The following TEAD1 variants were observed in gnomAD, a reference collection of about 807,000 sequenced individuals.
The protein encoded by TEAD1 is TEA domain transcription factor 1, also known as transcriptional enhancer factor TEF-1.
A neutral mutation model predicts 54.9 loss-of-function variants in TEAD1; 9 were observed. That is an observed-to-expected ratio of 0.16 (90% CI 0.10 to 0.29). TEAD1 has a LOEUF of 0.29. Ranked by LOEUF, TEAD1 falls within the 10% of genes least tolerant of loss-of-function variation. The pLI is 1.00. For missense variants in TEAD1, 387 were observed against 535.9 expected, an observed-to-expected ratio of 0.72 and a Z score of 2.74; for synonymous variants, 200 against 187.8, an observed-to-expected ratio of 1.07 and a Z score of -0.53.
At chr11:12,845,288 T>C (rs1385766717) in intron 3 of TEAD1, among the ~76,000 whole-genome samples, 1 of 152,102 alleles carries the variant, frequency 6.6e-6, no homozygotes, top group Non-Finnish European at 1.5e-5. Context: ...GGAAGTGGTG[T>C]CCTTATTTTC....
intron 2 of TEAD1, among the ~76,000 whole-genome samples, chr11:12,717,243 A>G (rs1203650624): frequency 1.3e-5 from 2 of 152,210 alleles, no homozygotes; most frequent in Non-Finnish European, 2.9e-5. Context: ...CTTTCTGCCT[A>G]CAGTTGTGTG....
chr11:12,936,666 AT>A (rs1313962925), intron 12 of TEAD1, among the ~76,000 whole-genome samples: 1 of 152,208 alleles, frequency 6.6e-6, no homozygotes, highest in East Asian at 1.9e-4. Context: ...GCCCATAAAT[AT>A]ATGTACTGCA....
chr11:12,856,565 T>G (rs961308590), intron 3 of TEAD1, among the ~76,000 whole-genome samples: 10 of 152,042 alleles, frequency 6.6e-5, no homozygotes, highest in African/African-American at 2.4e-4. Flanking sequence ...CAGGAAACAT[T>G]CGATAATCTA....
intron 3 of TEAD1, among the ~76,000 whole-genome samples, chr11:12,824,838 T>C (rs1946618360): frequency 6.6e-6 from 1 of 152,208 alleles, no homozygotes; most frequent in Admixed American, 6.5e-5. Flanking sequence ...AAGCTGGCAG[T>C]GATTGCAGTC....
chr11:12,724,277 T>C (rs965830023), intron 2 of TEAD1, among the ~76,000 whole-genome samples: 1 of 152,200 alleles, frequency 6.6e-6, no homozygotes, highest in Non-Finnish European at 1.5e-5. Flanking sequence ...GAATCCGATA[T>C]TGGCAGAATA....
At chr11:12,871,749 G>A (rs920124167) in intron 5 of TEAD1, among the ~76,000 whole-genome samples, 2 of 152,128 alleles carry the variant, frequency 1.3e-5, no homozygotes, top group Non-Finnish European at 2.9e-5. Context: ...TTCACTTCTC[G>A]AGTGTGTTTA....
At chr11:12,828,783 T>A (rs989668238) in intron 3 of TEAD1, among the ~76,000 whole-genome samples, 1 of 140,068 alleles carries the variant, frequency 7.1e-6, no homozygotes, top group African/African-American at 2.6e-5. Context: ...TTGTTTCTTA[T>A]TGATTTGCAT....
intron 2 of TEAD1, among the ~76,000 whole-genome samples, chr11:12,746,671 C>G (rs1237701985): frequency 6.6e-6 from 1 of 152,226 alleles, no homozygotes. Context: ...TGCTCTTTCT[C>G]ACCTCTGGGG....
chr11:12,919,681 G>T (rs1409544396), intron 10 of TEAD1, among the ~76,000 whole-genome samples: 3 of 151,722 alleles, frequency 2.0e-5, no homozygotes, highest in African/African-American at 7.3e-5. Flanking sequence ...AAAATTATTT[G>T]TAGAGATGGC....
At chr11:12,716,366 C>G (rs778577960) in intron 2 of TEAD1, among the ~76,000 whole-genome samples, 2 of 152,112 alleles carry the variant, frequency 1.3e-5, no homozygotes, top group Non-Finnish European at 2.9e-5. Flanking sequence ...TGGAGAGCAC[C>G]CTTTTTCTGC....
At chr11:12,793,288 A>T (rs1945843514) in intron 3 of TEAD1, among the ~76,000 whole-genome samples, 1 of 152,170 alleles carries the variant, frequency 6.6e-6, no homozygotes. Flanking sequence ...CAGTTAAAGG[A>T]TAGATATTTT....
At chr11:12,775,958 G>A (rs1421785834) in intron 3 of TEAD1, among the ~76,000 whole-genome samples, 1 of 150,340 alleles carries the variant, frequency 6.7e-6, no homozygotes, top group African/African-American at 2.5e-5. Context: ...CTGTGGTGTG[G>A]TGTTTACTGG....
intron 2 of TEAD1, among the ~76,000 whole-genome samples, chr11:12,710,801 G>GT (rs1183159945): frequency 6.6e-6 from 1 of 152,094 alleles, no homozygotes; most frequent in Non-Finnish European, 1.5e-5. Flanking sequence ...CAGGTGGGTT[G>GT]TTGTGACACG....
chr11:12,849,777 A>G (rs746036607), intron 3 of TEAD1, among the ~76,000 whole-genome samples: 1 of 152,232 alleles, frequency 6.6e-6, no homozygotes, highest in Non-Finnish European at 1.5e-5. Context: ...TTTTGGCTAT[A>G]CTTACCTTCT....
chr11:12,822,178 TG>T, intron 3 of TEAD1, among the ~76,000 whole-genome samples: 1 of 152,156 alleles, frequency 6.6e-6, no homozygotes, highest in South Asian at 2.1e-4. Flanking sequence ...TTGGCCAGGA[TG>T]GTCTCGATCT....
At chr11:12,694,339 G>T (rs1418352347) in intron 2 of TEAD1, among the ~76,000 whole-genome samples, 2 of 152,002 alleles carry the variant, frequency 1.3e-5, no homozygotes, top group Admixed American at 1.3e-4. Flanking sequence ...ACACTCGCCA[G>T]CCTGCCAAGC....
intron 3 of TEAD1, among the ~76,000 whole-genome samples, chr11:12,826,263 T>C (rs1270210245): frequency 1.3e-5 from 2 of 152,184 alleles, no homozygotes; most frequent in Non-Finnish European, 2.9e-5. Context: ...ATATTTTTAC[T>C]TACCACTCAA....
chr11:12,717,407 G>A (rs1175663919), intron 2 of TEAD1, among the ~76,000 whole-genome samples: 1 of 152,204 alleles, frequency 6.6e-6, no homozygotes, highest in Non-Finnish European at 1.5e-5. Flanking sequence ...TTTATGGATA[G>A]AAGATGTGCT....
At chr11:12,684,532 G>A (rs1413911015) in intron 2 of TEAD1, among the ~76,000 whole-genome samples, 2 of 152,162 alleles carry the variant, frequency 1.3e-5, no homozygotes, top group Non-Finnish European at 2.9e-5. Flanking sequence ...AGCTTCAGGT[G>A]CGGAGAAGAA....
Sources: allele counts gnomAD v4.1 joint callset (sites outside exome capture counted in the v4.1 genomes callset), GRCh38; gene constraint gnomAD v4.1.1; transcripts MANE v1.5; gene names NCBI Gene and HGNC (gene_info 2026-07-23, HGNC 2026-07-21).